The following LIFR variants were observed in gnomAD, a reference collection of about 807,000 sequenced individuals.
LIFR encodes LIF receptor subunit alpha, also known as leukemia inhibitory factor receptor.
LIFR carries 84 observed loss-of-function variants against 122.2 expected under a neutral mutation model. The observed-to-expected ratio is 0.69, with a 90% CI of 0.58 to 0.82. The LOEUF (loss-of-function observed/expected upper bound fraction) is 0.82. Among genes scored for constraint, LIFR ranks in the 40% least tolerant of loss-of-function variants. LIFR has a pLI of 0.00. For synonymous variants in LIFR, 422 were observed against 434.7 expected, an observed-to-expected ratio of 0.97 and a Z score of 0.36; for missense variants, 1,294 against 1,311.6, an observed-to-expected ratio of 0.99 and a Z score of 0.21.
At chr5:38,482,560 A>C (rs373627225) in intron 19 of LIFR, 29 bp downstream of exon 19, 15 of 1,156,326 alleles carry the variant, frequency 1.3e-5, no homozygotes, top group Non-Finnish European at 1.8e-5. Context: ...CAGCACATCA[A>C]AGATAAATAT....
intron 7 of LIFR, among the ~76,000 whole-genome samples, chr5:38,508,826 C>T (rs1046474275): frequency 6.6e-5 from 10 of 152,060 alleles, no homozygotes; most frequent in East Asian, 1.9e-4. Context: ...CCTCGTGATC[C>T]GCCCGCCTCA....
chr5:38,500,318 A>G (rs992030292), intron 11 of LIFR, among the ~76,000 whole-genome samples: 12 of 152,222 alleles, frequency 7.9e-5, no homozygotes, highest in African/African-American at 2.9e-4. Flanking sequence ...ATACAGGTTG[A>G]GTATCCCTCA....
intron 1 of LIFR, among the ~76,000 whole-genome samples, chr5:38,593,215 C>G (rs1439165146): frequency 1.3e-5 from 2 of 151,606 alleles, no homozygotes; most frequent in African/African-American, 4.9e-5. Context: ...AACCAAAAAA[C>G]AAAACAAAAC....
At chr5:38,577,898 T>C (rs1283523627) in intron 1 of LIFR, among the ~76,000 whole-genome samples, 1 of 152,218 alleles carries the variant, frequency 6.6e-6, no homozygotes, top group African/African-American at 2.4e-5. Flanking sequence ...GTAATGAATA[T>C]AAACTCAAAT....
chr5:38,517,917 C>CA (rs1746184382), intron 5 of LIFR, among the ~76,000 whole-genome samples: 1 of 86,770 alleles, frequency 1.2e-5, no homozygotes, highest in Non-Finnish European at 2.3e-5. Context: ...GCAGATGGGG[C>CA]AAAAAAGTGA....
chr5:38,592,782 T>C (rs1245823693), intron 1 of LIFR, among the ~76,000 whole-genome samples: 5 of 152,186 alleles, frequency 3.3e-5, no homozygotes, highest in African/African-American at 4.8e-5. Context: ...TTAGTTTGTA[T>C]GGATATATAA....
At chr5:38,550,211 C>A (rs2112648747) in intron 1 of LIFR, 1 of 949,390 alleles carries the variant, frequency 1.1e-6, no homozygotes, top group South Asian at 4.9e-5. Context: ...CCAAAATCCT[C>A]CAGTTGATTA....
intron 9 of LIFR, among the ~76,000 whole-genome samples, chr5:38,505,699 A>T (rs1340018824): frequency 6.6e-6 from 1 of 152,202 alleles, no homozygotes; most frequent in Non-Finnish European, 1.5e-5. Context: ...GAAAGAGTAA[A>T]TTACTAATTC....
rs1354371131 is a variant in LIFR at position 38,479,528 on chromosome 5, TCAAA to T, written c.*2063_*2066del. 3.0e-5 allele frequency: 7 copies of T among 231,314 alleles called. No homozygotes were observed. Among genetic ancestry groups the T allele is most frequent in the African/African-American group, 1.1e-4 (5 of 45,246 alleles). 14.3% of individuals were successfully genotyped at this position (231,314 alleles called of 1,614,324 possible). ...ATGCATATATATTGACAGACAGAGA[TCAAA>T]CAATCTCTTCTGGCCTTTTCTCATT... On this transcript the variant is annotated 3_prime_UTR_variant, in exon 20 of 20. Transcript: ENST00000453190.
chr5:38,552,927 AAATGC>A (rs1315005788), intron 1 of LIFR, among the ~76,000 whole-genome samples: 1 of 152,212 alleles, frequency 6.6e-6, no homozygotes, highest in African/African-American at 2.4e-5. Flanking sequence ...CTGGTGCTGC[AAATGC>A]AATGGGTAAC....
In LIFR at chr5:38,592,587, G is replaced by A. The variant is rs6870194; in HGVS notation, c.-20+2674C>T. Among the ~76,000 whole-genome samples the A allele has an allele frequency of 6.9e-3, 1,046 of 150,806 alleles. 24 individuals carry two copies. The highest frequency in any genetic ancestry group is 0.024 in the African/African-American group (987 of 40,960). ...CACAAGAAATGCTTGAACCTGGGAG[G>A]TGGAGATTGCAGCGAGCTGAGATTG... On this transcript the variant is annotated intron_variant, in intron 1 of 19. Coordinates refer to the LIFR transcript ENST00000263409.
chr5:38,548,632 C>CT (rs1479341136), intron 1 of LIFR, among the ~76,000 whole-genome samples: 1 of 152,112 alleles, frequency 6.6e-6, no homozygotes, highest in Admixed American at 6.5e-5. Context: ...ACATCCCACT[C>CT]TAACACCTCT....
intron 2 of LIFR, among the ~76,000 whole-genome samples, chr5:38,530,196 T>C (rs1746927362): frequency 6.6e-6 from 1 of 152,198 alleles, no homozygotes; most frequent in African/African-American, 2.4e-5. Context: ...GCCGGGGCTG[T>C]TCCCTATCTT....
intron 1 of LIFR, among the ~76,000 whole-genome samples, chr5:38,547,780 C>T (rs1236982203): frequency 6.6e-6 from 1 of 152,102 alleles, no homozygotes; most frequent in Non-Finnish European, 1.5e-5. Flanking sequence ...ATAGAGTGTA[C>T]TTACACAAAC....
intron 16 of LIFR, among the ~76,000 whole-genome samples, chr5:38,488,426 T>C (rs1436129225): frequency 6.6e-6 from 1 of 152,220 alleles, no homozygotes; most frequent in Non-Finnish European, 1.5e-5. Flanking sequence ...ACTGAAAAGA[T>C]GATATGCTTG....
In LIFR at chr5:38,499,545, A is replaced by G; in HGVS notation, c.1639T>C (p.Ser547Pro). ...KGPDTWREWS[S>P]DGKNLIIYWK... is the part of the protein sequence containing the mutation. ...TAGATTATTAAATTTTTTCCATCAG[A>G]ACTCCACTCTCTCCAAGTATCAGGC... The change falls in exon 12 of 20, where the codon TCT (serine) becomes CCT (proline). Residue 547 changes from serine (S) to proline (P), a missense_variant. By Grantham distance (74) the Ser-to-Pro change is moderately conservative. Coordinates refer to ENST00000453190, the MANE Select transcript of LIFR (RefSeq NM_001127671.2). 1 of 1,609,102 alleles carries G rather than the reference A, an allele frequency of 6.2e-7. No homozygotes were observed. Among genetic ancestry groups the G allele is most frequent in the Non-Finnish European group, 8.5e-7 (1 of 1,175,432 alleles).
chr5:38,544,452 T>G (rs1008168035), intron 1 of LIFR, among the ~76,000 whole-genome samples: 5 of 152,090 alleles, frequency 3.3e-5, no homozygotes, highest in Non-Finnish European at 7.4e-5. Context: ...GCCCTGGCAC[T>G]TGTCATTCCT....
At chr5:38,575,410 T>C (rs749599317) in intron 1 of LIFR, among the ~76,000 whole-genome samples, 5 of 152,220 alleles carry the variant, frequency 3.3e-5, no homozygotes, top group Non-Finnish European at 7.4e-5. Context: ...TAAGAGGTTT[T>C]ATAAAACAAC....
intron 1 of LIFR, among the ~76,000 whole-genome samples, chr5:38,592,971 G>A (rs906511751): frequency 6.6e-5 from 10 of 152,042 alleles, no homozygotes; most frequent in African/African-American, 1.7e-4. Context: ...TTGGGAGACC[G>A]AGGCGGATAG....
Sources: allele counts gnomAD v4.1 joint callset (sites outside exome capture counted in the v4.1 genomes callset), GRCh38; gene constraint gnomAD v4.1.1; transcripts MANE v1.5; gene names NCBI Gene and HGNC (gene_info 2026-07-23, HGNC 2026-07-21).